MMP26: variants seen among roughly 807,000 people sequenced by gnomAD.
MMP26 encodes the protein matrix metallopeptidase 26.
MMP26 carries 33 observed loss-of-function variants against 31.0 expected under a neutral mutation model. That is an observed-to-expected ratio of 1.06 (90% CI 0.81 to 1.42). The LOEUF is 1.42. Among genes scored for constraint, MMP26 ranks in the 40% most tolerant of loss-of-function variants. The probability of loss-of-function intolerance (pLI) is 0.00; values close to 1 mark genes in which losing one functional copy is unlikely to be tolerated. For synonymous variants in MMP26, 122 were observed against 114.9 expected (o/e 1.06, Z -0.40); for missense variants, 347 against 316.1 (o/e 1.10, Z -0.74).
At chr11:4,801,538 T>C (rs398088926) in intron 2 of MMP26, among the ~76,000 whole-genome samples, 1 of 148,778 alleles carries the variant, frequency 6.7e-6, no homozygotes, top group Non-Finnish European at 1.5e-5. Flanking sequence ...ATTTATTTAT[T>C]TATTTATTTA....
intron 2 of MMP26, among the ~76,000 whole-genome samples, chr11:4,796,750 C>T (rs1026531252): frequency 1.3e-5 from 2 of 152,058 alleles, no homozygotes; most frequent in African/African-American, 2.4e-5. Context: ...AGCTGGGACT[C>T]CTGGGAGATG....
intron 1 of MMP26, chr11:4,710,712 T>C: frequency 3.1e-6 from 1 of 325,660 alleles, no homozygotes; most frequent in South Asian, 2.6e-5. Context: ...GTACTTCTGA[T>C]CCTTTCATGA....
At chr11:4,897,006 G>A (rs1204915383) in intron 2 of MMP26, among the ~76,000 whole-genome samples, 1 of 151,836 alleles carries the variant, frequency 6.6e-6, no homozygotes, top group African/African-American at 2.4e-5. Context: ...GCTAGTAATA[G>A]TATGGCCACA....
intron 1 of MMP26, among the ~76,000 whole-genome samples, chr11:4,765,904 G>C (rs1848622421): frequency 6.6e-6 from 1 of 152,124 alleles, no homozygotes; most frequent in South Asian, 2.1e-4. Context: ...TACTAGGGCA[G>C]CACAATCATT....
At chr11:4,747,514 G>A (rs1848396634) in intron 1 of MMP26, among the ~76,000 whole-genome samples, 1 of 152,122 alleles carries the variant, frequency 6.6e-6, no homozygotes, top group East Asian at 1.9e-4. Context: ...GAAAGAGAGT[G>A]GGTTTGGGGG....
intron 2 of MMP26, among the ~76,000 whole-genome samples, chr11:4,843,093 T>C (rs1257151709): frequency 6.6e-6 from 1 of 152,240 alleles, no homozygotes; most frequent in Non-Finnish European, 1.5e-5. Context: ...TGTGCCCCTG[T>C]GGCTATTCAG....
intron 2 of MMP26, among the ~76,000 whole-genome samples, chr11:4,937,018 A>G (rs1846125265): frequency 6.6e-6 from 1 of 152,216 alleles, no homozygotes; most frequent in African/African-American, 2.4e-5. Flanking sequence ...CTACGGATAT[A>G]AAGAAAAGCA....
intron 2 of MMP26, among the ~76,000 whole-genome samples, chr11:4,899,107 A>G (rs960760823): frequency 6.6e-6 from 1 of 152,252 alleles, no homozygotes; most frequent in African/African-American, 2.4e-5. Flanking sequence ...TGGATGAGAC[A>G]AGTTCATTTT....
chr11:4,855,392 T>A (rs1252661756), intron 2 of MMP26, among the ~76,000 whole-genome samples: 1 of 152,118 alleles, frequency 6.6e-6, no homozygotes, highest in East Asian at 1.9e-4. Context: ...TGAAATGAGC[T>A]GGAAACCATG....
At chr11:4,726,661 G>A (rs780056880) in intron 1 of MMP26, among the ~76,000 whole-genome samples, 2 of 152,158 alleles carry the variant, frequency 1.3e-5, no homozygotes, top group Non-Finnish European at 2.9e-5. Flanking sequence ...GAATGAAGAT[G>A]CAAGTGTTGA....
In MMP26 at chr11:4,860,415, G is replaced by A. The variant is rs781250039; in HGVS notation, c.-145+93074G>A. 22 of 471,078 alleles carry A rather than the reference G, an allele frequency of 4.7e-5. No individual in the cohort carries two copies. The East Asian group carries it at 7.6e-4, about 16-fold the overall frequency. The allele number at this position is 471,078 out of a possible 1,614,324, so 29.2% of individuals were successfully genotyped here. A position where few individuals can be genotyped will look rare whatever the true frequency, so the allele number is the denominator to read the frequency against. On this transcript the variant is annotated intron_variant, in intron 2 of 7. Transcript: ENST00000380390. The stretch of plus-strand genomic sequence containing the variant: ...CATGGAGACTTGGCTCCACCTTGAT[G>A]ACAGCTAGGATGGTACCATTTCCCA...
intron 2 of MMP26, chr11:4,945,270 A>G (rs969351306): frequency 6.6e-6 from 1 of 152,146 alleles, no homozygotes; most frequent in African/African-American, 2.4e-5. Flanking sequence ...GCATTATACA[A>G]AATTGGAGTC....
intron 2 of MMP26, among the ~76,000 whole-genome samples, chr11:4,771,655 T>C (rs1259958741): frequency 6.6e-6 from 1 of 152,212 alleles, no homozygotes; most frequent in Non-Finnish European, 1.5e-5. Context: ...CAATCAAGTC[T>C]TTAAAAAATT....
intron 2 of MMP26, chr11:4,909,232 T>C (rs1490366311): frequency 6.6e-6 from 1 of 152,170 alleles, no homozygotes; most frequent in Admixed American, 6.6e-5. Context: ...CTAAAATTTA[T>C]ATTTTAAACT....
At chr11:4,847,492 CAA>C (rs1459621752) in intron 2 of MMP26, 2 of 152,232 alleles carry the variant, frequency 1.3e-5, no homozygotes, top group Admixed American at 1.3e-4. Flanking sequence ...TTTAAACTGA[CAA>C]TAATTATGCA....
chr11:4,808,686 C>T (rs11033992), intron 2 of MMP26, among the ~76,000 whole-genome samples: 57,312 of 151,342 alleles, frequency 0.38, 12,719 homozygotes, highest in South Asian at 0.51. Context: ...CAGGGCAGAG[C>T]TTCCCCATGA....
intron 2 of MMP26, among the ~76,000 whole-genome samples, chr11:4,845,142 G>C (rs1431419778): frequency 6.6e-6 from 1 of 151,880 alleles, no homozygotes; most frequent in Non-Finnish European, 1.5e-5. Context: ...AAATTAAAAA[G>C]TAATCTCATT....
intron 2 of MMP26, chr11:4,848,663 T>C: frequency 6.2e-7 from 1 of 1,613,842 alleles, no homozygotes; most frequent in Non-Finnish European, 8.5e-7. Context: ...AAGAATGGGT[T>C]AGGACCTGTG....
intron 1 of MMP26, chr11:4,709,522 A>G (rs938896808): frequency 2.6e-6 from 1 of 383,054 alleles, no homozygotes; most frequent in South Asian, 2.0e-5. Flanking sequence ...CTCCATTATT[A>G]CAGGACATAG....
Sources: gnomAD v4.1 joint callset for allele counts (sites outside exome capture counted in the v4.1 genomes callset) on GRCh38, gnomAD v4.1.1 for gene constraint, MANE v1.5 for transcripts, NCBI Gene and HGNC (gene_info 2026-07-23, HGNC 2026-07-21) for gene names.